SLCO1B1: variants seen among roughly 807,000 people sequenced by gnomAD.
SLCO1B1 encodes OATP-2.
A neutral mutation model predicts 70.1 loss-of-function variants in SLCO1B1; 81 were observed. That is an observed-to-expected ratio of 1.16 (90% confidence interval 0.97 to 1.39). The LOEUF (loss-of-function observed/expected upper bound fraction) is 1.39, where lower values mean the gene tolerates loss of function less well. SLCO1B1 is among the 40% of genes most tolerant of loss of function. The pLI, the probability that SLCO1B1 is intolerant of heterozygous loss-of-function variation, is 0.00. For synonymous variants in SLCO1B1, 283 were observed against 271.5 expected, an observed-to-expected ratio of 1.04 and a Z score of -0.42; for missense variants, 895 against 799.6, an observed-to-expected ratio of 1.12 and a Z score of -1.44.
intron 1 of SLCO1B1, among the ~76,000 whole-genome samples, chr12:21,131,550 T>C (rs556296358): frequency 3.5e-4 from 53 of 152,260 alleles, no homozygotes; most frequent in Middle Eastern, 3.4e-3. Context: ...AGTTACCTTC[T>C]TAAAATATGC....
rs1273608832 is a variant in SLCO1B1, at chr12:21,217,159, A to G, written c.1538A>G (p.Gln513Arg). 3.7e-6 allele frequency: 6 copies of G among 1,613,732 alleles called. No individual in the cohort carries two copies. The highest frequency in any genetic ancestry group is 5.1e-6 in the Non-Finnish European group (6 of 1,179,742). The change falls in exon 12 of 15, where the codon CAG becomes CGG. Residue 513 changes from glutamine to arginine, a missense_variant. Physicochemically the swap from Gln to Arg is conservative, Grantham distance 43. Transcript: ENST00000256958. Reference protein sequence around the residue: ...NCSCLEVTGLQNRNYSAHLGE... With the variant: ...NCSCLEVTGLRNRNYSAHLGE... Reference sequence around the variant, plus strand: ...AGTTGTTTGGAAGTAACTGGTCTCCAGAACAGAAATTACTCAGCCCATTTG... The same window carrying G: ...AGTTGTTTGGAAGTAACTGGTCTCCGGAACAGAAATTACTCAGCCCATTTG...
intron 14 of SLCO1B1, among the ~76,000 whole-genome samples, chr12:21,226,206 G>A (rs570493236): frequency 6.6e-6 from 1 of 152,006 alleles, no homozygotes. Flanking sequence ...ATGAGGCCAG[G>A]ATTTCAAGAC....
In SLCO1B1 at chr12:21,237,141, CTAAA is replaced by C. The variant is rs376898002; in HGVS notation, c.1866-1835_1866-1832del. ...CTTTTTTCTTCTGTTGTGTTCTTAA[CTAAA>C]TAGTCTATATGACTCTGATTTTATA... is the stretch of plus-strand genomic sequence containing the variant. On this transcript the variant is annotated intron_variant, in intron 14 of 14. Transcript: ENST00000256958. 1.6e-3 allele frequency among the ~76,000 whole-genome samples: 240 copies of C among 152,152 alleles called. 2 individuals are homozygous for C. The Middle Eastern group carries it at 0.017, about 11-fold the overall frequency.
Position 21,182,066 on chromosome 12 carries a change from G to A in SLCO1B1, c.727+3046G>A, listed in dbSNP as rs546313602. ...AATATTGAATAAACTAACATACTTC[G>A]AGCATATCTTTTGAGAGAAAACACT... On this transcript the variant is annotated intron_variant, in intron 7 of 14. Transcript: ENST00000256958. Among the ~76,000 whole-genome samples, 5 of 152,184 alleles carry A rather than the reference G, an allele frequency of 3.3e-5. No individual in the cohort carries two copies. The South Asian group carries it at 8.3e-4, about 25-fold the overall frequency.
At chr12:21,138,645 G>A (rs1266529218) in intron 1 of SLCO1B1, among the ~76,000 whole-genome samples, 1 of 152,074 alleles carries the variant, frequency 6.6e-6, no homozygotes, top group Non-Finnish European at 1.5e-5. Flanking sequence ...GGAAGTAGGG[G>A]AAATACAAAG....
chr12:21,211,427 G>C (rs551255993), intron 11 of SLCO1B1, among the ~76,000 whole-genome samples: 2 of 152,366 alleles, frequency 1.3e-5, no homozygotes, highest in East Asian at 3.9e-4. Context: ...GATCATGGTG[G>C]ATAAGCTTTT....
chr12:21,175,061 TC>T (rs1165960702), intron 4 of SLCO1B1, among the ~76,000 whole-genome samples: 3 of 152,192 alleles, frequency 2.0e-5, no homozygotes, highest in African/African-American at 7.2e-5. Flanking sequence ...GTATAGTTGT[TC>T]CCATCATTTC....
chr12:21,137,176 G>C (rs946376800), intron 1 of SLCO1B1, among the ~76,000 whole-genome samples: 2 of 152,156 alleles, frequency 1.3e-5, no homozygotes, highest in East Asian at 3.9e-4. Flanking sequence ...GCTGCTGCCT[G>C]ATCGTTCCTC....
intron 11 of SLCO1B1, among the ~76,000 whole-genome samples, chr12:21,210,629 G>C (rs1333047756): frequency 1.3e-5 from 2 of 150,520 alleles, no homozygotes; most frequent in Admixed American, 1.3e-4. Flanking sequence ...GGATGACATT[G>C]AATCTGTAAA....
chr12:21,203,941 T>C (rs182286479), intron 10 of SLCO1B1, among the ~76,000 whole-genome samples: 3 of 152,180 alleles, frequency 2.0e-5, no homozygotes, highest in African/African-American at 7.2e-5. Flanking sequence ...GGTTAGTCAC[T>C]GTACAAAGTA....
chr12:21,156,428 G>C (rs193091465), intron 2 of SLCO1B1, among the ~76,000 whole-genome samples: 37 of 152,186 alleles, frequency 2.4e-4, no homozygotes, highest in African/African-American at 8.7e-4. Flanking sequence ...GATTTTAATA[G>C]TGAACTTATA....
intron 2 of SLCO1B1, among the ~76,000 whole-genome samples, chr12:21,159,360 G>A (rs889806542): frequency 7.9e-5 from 12 of 151,972 alleles, no homozygotes; most frequent in East Asian, 3.9e-4. Flanking sequence ...ATCATGACAC[G>A]TAGAAAAATT....
chr12:21,204,534 C>G (rs1474879829), intron 10 of SLCO1B1, among the ~76,000 whole-genome samples: 6 of 150,568 alleles, frequency 4.0e-5, no homozygotes, highest in African/African-American at 1.5e-4. Context: ...AAAAAAAAAC[C>G]CTGTGAGGTT....
chr12:21,198,824 C>T lies in SLCO1B1; in HGVS notation c.970+1636C>T, dbSNP rs117651396. Among the ~76,000 whole-genome samples, 1,434 of 152,060 alleles carry T rather than the reference C, an allele frequency of 9.4e-3. 9 individuals carry two copies. Among genetic ancestry groups the T allele is most frequent in the Non-Finnish European group, 0.015 (1,024 of 67,936 alleles). ...AATGCCACTTAAGTTGTTTATTGAT[C>T]CACTTATTAATGATATATAGTAGAT... On this transcript the variant is annotated intron_variant, in intron 8 of 14. Coordinates refer to ENST00000256958, the MANE Select transcript of SLCO1B1 (RefSeq NM_006446.5).
chr12:21,207,506 A>C (rs1183537267), intron 11 of SLCO1B1, among the ~76,000 whole-genome samples: 1 of 151,968 alleles, frequency 6.6e-6, no homozygotes, highest in African/African-American at 2.4e-5. Context: ...TCCATTGTCT[A>C]TATGTACCAC....
At chr12:21,177,232 T>G (rs938531349) in intron 5 of SLCO1B1, among the ~76,000 whole-genome samples, 1 of 152,162 alleles carries the variant, frequency 6.6e-6, no homozygotes, top group African/African-American at 2.4e-5. Flanking sequence ...CAGGCAGCCC[T>G]GTAACAAATT....
intron 2 of SLCO1B1, 129 bp downstream of exon 2, chr12:21,141,787 T>G: frequency 1.7e-6 from 1 of 590,846 alleles, no homozygotes. Flanking sequence ...TATTGAAATA[T>G]TAACATAATG....
intron 2 of SLCO1B1, among the ~76,000 whole-genome samples, chr12:21,142,937 G>T (rs1565664498): frequency 6.6e-6 from 1 of 152,048 alleles, no homozygotes. Flanking sequence ...GCCCAATAAA[G>T]AAGACTAGAG....
At chr12:21,222,002 A>C (rs1941428059) in intron 12 of SLCO1B1, among the ~76,000 whole-genome samples, 1 of 152,096 alleles carries the variant, frequency 6.6e-6, no homozygotes. Context: ...CAGTATCTTC[A>C]GAGGCATAAT....
Sources: allele counts gnomAD v4.1 joint callset (sites outside exome capture counted in the v4.1 genomes callset), GRCh38; gene constraint gnomAD v4.1.1; transcripts MANE v1.5; gene names NCBI Gene and HGNC (gene_info 2026-07-23, HGNC 2026-07-21).